The following NIM1K variants were observed in gnomAD, a reference collection of about 807,000 sequenced individuals.
The protein encoded by NIM1K is serine/threonine-protein kinase NIM1.
A neutral mutation model predicts 37.1 loss-of-function variants in NIM1K; 35 were observed. The observed-to-expected ratio is 0.94, with a 90% CI of 0.72 to 1.25. The LOEUF is 1.25. NIM1K is among the 50% of genes most tolerant of loss of function. The probability of loss-of-function intolerance (pLI) is 0.00; values close to 1 mark genes in which losing one functional copy is unlikely to be tolerated. For synonymous variants in NIM1K, 234 were observed against 206.6 expected (o/e 1.13, Z -1.14); for missense variants, 564 against 548.0 (o/e 1.03, Z -0.29).
chr5:43,213,320 C>A (rs564715767), intron 1 of NIM1K, among the ~76,000 whole-genome samples: 5 of 110,218 alleles, frequency 4.5e-5, no homozygotes, highest in African/African-American at 1.7e-4. Context: ...CTTTTCTTTT[C>A]TTTTCTTTTC....
In NIM1K at chr5:43,280,400, G is replaced by T. The variant is rs1475992501; in HGVS notation, c.982G>T (p.Val328Leu). 3 of 1,614,150 alleles carry T rather than the reference G, an allele frequency of 1.9e-6. No homozygotes were observed. Among genetic ancestry groups the T allele is most frequent in the Admixed American group, 1.7e-5 (1 of 60,026 alleles). Reference sequence around the variant, plus strand: ...CATGAATGATGAATGGATGCAAGGGGTGCCATACCCTACACCTTTGGAACC... The same window carrying T: ...CATGAATGATGAATGGATGCAAGGGTTGCCATACCCTACACCTTTGGAACC... The part of the protein sequence containing the change: ...CIMNDEWMQG[V>L]PYPTPLEPFQ... The change falls in exon 4 of 4, where the codon GTG becomes TTG. Residue 328 changes from valine to leucine, a missense_variant. Transcript: ENST00000326035.
At chr5:43,203,038 T>G (rs1355082540) in intron 1 of NIM1K, among the ~76,000 whole-genome samples, 4 of 152,174 alleles carry the variant, frequency 2.6e-5, no homozygotes, top group Admixed American at 2.6e-4. Context: ...GTTTTGCTTC[T>G]GCTGGAATGT....
chr5:43,216,356 A>G (rs1316579919), intron 1 of NIM1K, among the ~76,000 whole-genome samples: 1 of 151,470 alleles, frequency 6.6e-6, no homozygotes, highest in Non-Finnish European at 1.5e-5. Flanking sequence ...ATCAGGAGAG[A>G]AATCAGATGC....
rs1437933916 is a variant in NIM1K at position 43,207,384 on chromosome 5, T to C, written c.-695+14973T>C. 3 of 842,082 alleles carry C rather than the reference T, an allele frequency of 3.6e-6. No homozygotes were observed. The East Asian group carries it at 7.4e-5, about 21-fold the overall frequency. 52.2% of individuals were successfully genotyped at this position (842,082 alleles called of 1,614,324 possible). ...GTGATCAATAGATGAAAGAAATATA[T>C]GCGAAAAACGTGTGGCGATGTCTTA... On this transcript the variant is annotated intron_variant, in intron 1 of 3. Transcript: ENST00000326035.
intron 1 of NIM1K, among the ~76,000 whole-genome samples, chr5:43,222,956 C>T (rs910542976): frequency 1.3e-5 from 2 of 151,728 alleles, no homozygotes; most frequent in Non-Finnish European, 2.9e-5. Flanking sequence ...CTGACCAACA[C>T]GGCGAAACCC....
intron 1 of NIM1K, among the ~76,000 whole-genome samples, chr5:43,205,322 G>T (rs1279112214): frequency 1.3e-5 from 2 of 152,206 alleles, no homozygotes; most frequent in African/African-American, 4.8e-5. Context: ...TTGTTGTAAT[G>T]GTTAAATTAG....
intron 2 of NIM1K, among the ~76,000 whole-genome samples, chr5:43,255,070 T>A (rs1752920338): frequency 6.6e-6 from 1 of 152,204 alleles, no homozygotes; most frequent in Non-Finnish European, 1.5e-5. Flanking sequence ...TAGTAATAAC[T>A]TATGGGATCC....
intron 1 of NIM1K, among the ~76,000 whole-genome samples, chr5:43,222,787 A>G (rs1338198976): frequency 1.3e-5 from 2 of 152,100 alleles, no homozygotes; most frequent in African/African-American, 4.8e-5. Flanking sequence ...GGCTAGAGAC[A>G]GCATATATCA....
chr5:43,236,918 T>C (rs966412871), intron 1 of NIM1K, among the ~76,000 whole-genome samples: 1 of 152,186 alleles, frequency 6.6e-6, no homozygotes, highest in Admixed American at 6.6e-5. Flanking sequence ...ATTTCCCCCA[T>C]TGCACTGCAT....
At chr5:43,198,205 TTCTCTTTC>T (rs1751956709) in intron 1 of NIM1K, among the ~76,000 whole-genome samples, 1 of 40,902 alleles carries the variant, frequency 2.4e-5, no homozygotes, top group Non-Finnish European at 4.7e-5. Context: ...CTTTCTTTCT[TTCTCTTTC>T]TTTCTTTCTT....
rs1377017186 is a variant in NIM1K at position 43,192,244 on chromosome 5, T to G, written c.-862T>G. Reference sequence around the variant, plus strand: ...GAGGGCGGGGTTTGCCCTGGGCCGCTGCCGGTCAGGTCGGCCGCCCCTGAC... The same window carrying G: ...GAGGGCGGGGTTTGCCCTGGGCCGCGGCCGGTCAGGTCGGCCGCCCCTGAC... On this transcript the variant is annotated 5_prime_UTR_variant, in exon 1 of 4. Transcript: ENST00000326035. The G allele has an allele frequency of 5.2e-5, 8 of 152,410 alleles. No homozygotes were observed. Among genetic ancestry groups the G allele is most frequent in the Non-Finnish European group, 1.5e-5 (1 of 68,220 alleles). 9.4% of individuals were successfully genotyped at this position (152,410 alleles called of 1,614,324 possible). A position where few individuals can be genotyped will look rare whatever the true frequency, so the allele number is the denominator to read the frequency against.
At chr5:43,278,334 C>T (rs1458944367) in intron 3 of NIM1K, among the ~76,000 whole-genome samples, 3 of 152,142 alleles carry the variant, frequency 2.0e-5, no homozygotes, top group Admixed American at 6.5e-5. Flanking sequence ...CGTGAGCCAC[C>T]GTGCCTGGCC....
At chr5:43,239,558 C>T (rs1233826161) in intron 1 of NIM1K, among the ~76,000 whole-genome samples, 1 of 151,782 alleles carries the variant, frequency 6.6e-6, no homozygotes, top group Non-Finnish European at 1.5e-5. Context: ...TGGAATTTCA[C>T]TCTTGTTTCC....
At chr5:43,269,952 G>A (rs1753230749) in intron 2 of NIM1K, among the ~76,000 whole-genome samples, 1 of 152,126 alleles carries the variant, frequency 6.6e-6, no homozygotes, top group African/African-American at 2.4e-5. Context: ...GGCCCTGTGA[G>A]TTTTATGCTT....
chr5:43,210,864 T>C lies in NIM1K; in HGVS notation c.-695+18453T>C, dbSNP rs889021383. Reference sequence around the variant, plus strand: ...AAGCTTATCTACCATCACATCTTGATGTTACAGAAAGAATGGGGACTTGGA... The same window carrying C: ...AAGCTTATCTACCATCACATCTTGACGTTACAGAAAGAATGGGGACTTGGA... On this transcript the variant is annotated intron_variant, in intron 1 of 3. Transcript: ENST00000326035. Among the ~76,000 whole-genome samples the C allele has an allele frequency of 3.9e-5, 6 of 152,318 alleles. 1 individual carries two copies. The highest frequency in any genetic ancestry group is 3.3e-4 in the Admixed American group (5 of 15,302).
chr5:43,272,807 A>G (rs548507391), intron 2 of NIM1K, among the ~76,000 whole-genome samples: 2 of 152,318 alleles, frequency 1.3e-5, no homozygotes, highest in African/African-American at 4.8e-5. Flanking sequence ...AAAAAAAATC[A>G]GAAGGTTTGA....
intron 1 of NIM1K, among the ~76,000 whole-genome samples, chr5:43,239,621 G>C (rs1221760224): frequency 6.6e-6 from 1 of 151,940 alleles, no homozygotes; most frequent in African/African-American, 2.4e-5. Context: ...CCGCCTCCCA[G>C]GTTCAAGTGA....
intron 2 of NIM1K, among the ~76,000 whole-genome samples, chr5:43,249,280 G>C (rs1054036903): frequency 1.3e-5 from 2 of 151,780 alleles, no homozygotes; most frequent in African/African-American, 4.8e-5. Context: ...CATGTTAGCT[G>C]GGATGGTCTC....
rs200250739 is a variant in NIM1K, at chr5:43,229,303, T to C, written c.-694-15779T>C. Among the ~76,000 whole-genome samples the C allele has an allele frequency of 4.8e-5, 7 of 145,662 alleles. No homozygotes were observed. The East Asian group carries it at 1.5e-3, about 30-fold the overall frequency. ...AGGAGGCTGAGGCAGGAGAATCGCT[T>C]GAACTGGGAGGTGGAGGTTGCAGTG... is the stretch of plus-strand genomic sequence containing the variant. On this transcript the variant is annotated intron_variant, in intron 1 of 3. Transcript: ENST00000326035.
Sources: allele counts gnomAD v4.1 joint callset (sites outside exome capture counted in the v4.1 genomes callset), GRCh38; gene constraint gnomAD v4.1.1; transcripts MANE v1.5; gene names NCBI Gene and HGNC (gene_info 2026-07-23, HGNC 2026-07-21).